Variants in ATP2B2 observed in about 807,000 individuals in gnomAD.
ATP2B2 encodes the protein ATPase plasma membrane Ca2+ transporting 2, also known as plasma membrane calcium-transporting ATPase 2.
Under a neutral mutation model 120.0 loss-of-function variants are expected in ATP2B2, and 15 were observed. The observed-to-expected ratio is 0.12, with a 90% CI of 0.08 to 0.19. ATP2B2 has a LOEUF of 0.19. Among genes scored for constraint, ATP2B2 ranks in the 10% least tolerant of loss-of-function variants. The probability of loss-of-function intolerance (pLI) is 1.00; values close to 1 mark genes in which losing one functional copy is unlikely to be tolerated. For synonymous variants in ATP2B2, 694 were observed against 700.3 expected, an observed-to-expected ratio of 0.99 and a Z score of 0.14; for missense variants, 1,045 against 1,719.8, an observed-to-expected ratio of 0.61 and a Z score of 6.94.
intron 2 of ATP2B2, among the ~76,000 whole-genome samples, chr3:10,419,408 C>T (rs887306628): frequency 3.3e-5 from 5 of 152,292 alleles, no homozygotes; most frequent in African/African-American, 1.2e-4. Flanking sequence ...ATGCAGCTGT[C>T]ACTACCACCA....
chr3:10,527,617 T>C (rs1223050093), intron 3 of ATP2B2, among the ~76,000 whole-genome samples: 1 of 152,190 alleles, frequency 6.6e-6, no homozygotes, highest in Admixed American at 6.5e-5. Flanking sequence ...CCTCTCCTTA[T>C]ACTCTTTCCA....
At chr3:10,362,628 G>A (rs2060934748) in intron 12 of ATP2B2, among the ~76,000 whole-genome samples, 1 of 152,146 alleles carries the variant, frequency 6.6e-6, no homozygotes, top group Non-Finnish European at 1.5e-5. Context: ...ATGGTACGGG[G>A]GCCGTGGATA....
At chr3:10,613,962 C>T (rs1433344199) in intron 2 of ATP2B2, among the ~76,000 whole-genome samples, 1 of 152,078 alleles carries the variant, frequency 6.6e-6, no homozygotes, top group East Asian at 1.9e-4. Context: ...CTGCCTCAGG[C>T]TTTTGCTTGT....
intron 1 of ATP2B2, among the ~76,000 whole-genome samples, chr3:10,487,700 A>G (rs2065746475): frequency 6.6e-6 from 1 of 152,212 alleles, no homozygotes; most frequent in Non-Finnish European, 1.5e-5. Context: ...AGACAGCGGG[A>G]AAGGAAACAG....
At position 10,414,089 on chromosome 3, in the gene ATP2B2, C is replaced by T. The variant is rs138921426; in HGVS notation, c.200-3274G>A. 3.0e-3 allele frequency among the ~76,000 whole-genome samples: 458 copies of T among 152,224 alleles called. 3 individuals carry two copies. The highest frequency in any genetic ancestry group is 0.01 in the African/African-American group (433 of 41,544). On this transcript the variant is annotated intron_variant, in intron 2 of 22. Coordinates refer to ENST00000360273, the MANE Select transcript of ATP2B2 (RefSeq NM_001001331.4). ...GGTCTGCAGGCCCTGAAATGGTTTT[C>T]CTGGGGTCTGTTTTCACATTTTGGA...
At chr3:10,531,103 T>C (rs115603106) in intron 3 of ATP2B2, among the ~76,000 whole-genome samples, 1,551 of 152,294 alleles carry the variant, frequency 0.01, 16 homozygotes, top group Non-Finnish European at 0.016. Context: ...GGTTGGAACA[T>C]CTTGGCAGTT....
chr3:10,334,250 C>A (rs1353007564), intron 22 of ATP2B2, among the ~76,000 whole-genome samples: 1 of 152,202 alleles, frequency 6.6e-6, no homozygotes, highest in Non-Finnish European at 1.5e-5. Context: ...AAGAACTGGG[C>A]CTTCACCCAG....
At chr3:10,516,043 G>A (rs1033174369) in intron 3 of ATP2B2, among the ~76,000 whole-genome samples, 1 of 152,178 alleles carries the variant, frequency 6.6e-6, no homozygotes, top group African/African-American at 2.4e-5. Flanking sequence ...CTGCCAAGGT[G>A]GGAGCATTGA....
intron 3 of ATP2B2, among the ~76,000 whole-genome samples, chr3:10,518,984 T>C (rs2066929643): frequency 1.3e-5 from 2 of 152,240 alleles, no homozygotes; most frequent in South Asian, 4.1e-4. Context: ...GAGTAATAAC[T>C]AATGTTCATG....
chr3:10,503,286 A>T (rs932023110), intron 1 of ATP2B2, among the ~76,000 whole-genome samples: 2 of 152,172 alleles, frequency 1.3e-5, no homozygotes, highest in Non-Finnish European at 2.9e-5. Flanking sequence ...GATGCCAGGG[A>T]GAGGGCTGGT....
At chr3:10,692,323 C>T (rs1442703672) in intron 1 of ATP2B2, among the ~76,000 whole-genome samples, 3 of 152,196 alleles carry the variant, frequency 2.0e-5, no homozygotes, top group Admixed American at 6.5e-5. Context: ...TCCCCCCAAC[C>T]GTCATTCATT....
At chr3:10,364,782 A>G (rs2060995523) in intron 12 of ATP2B2, among the ~76,000 whole-genome samples, 1 of 152,230 alleles carries the variant, frequency 6.6e-6, no homozygotes, top group Non-Finnish European at 1.5e-5. Flanking sequence ...AGCATGGTAA[A>G]CGGCAGTAAC....
intron 12 of ATP2B2, among the ~76,000 whole-genome samples, chr3:10,370,093 A>G (rs2061180871): frequency 1.3e-5 from 2 of 152,210 alleles, no homozygotes; most frequent in African/African-American, 4.8e-5. Flanking sequence ...ATGCCACCTG[A>G]AAAGACTCAA....
chr3:10,375,275 T>A lies in ATP2B2; in HGVS notation c.1416+155A>T, dbSNP rs529676825. On this transcript the variant is annotated intron_variant, in intron 11 of 22. Transcript: ENST00000360273. The surrounding 1 kb of genome is among the most constrained non-coding windows in gnomAD (Gnocchi z 4.2). ...CCTGGACTCTATGAAAGCGTCAGAG[T>A]TTTGGGGTCCTGCATACATTCTTCT... is the stretch of plus-strand genomic sequence containing the variant. 2.0e-5 allele frequency among the ~76,000 whole-genome samples: 3 copies of A among 151,058 alleles called. No homozygotes were observed. The South Asian group carries it at 6.3e-4, about 32-fold the overall frequency.
chr3:10,449,693 T>A lies in ATP2B2; in HGVS notation c.-150A>T. On this transcript the variant is annotated 5_prime_UTR_variant, in exon 2 of 23. Coordinates refer to ENST00000360273, the MANE Select transcript of ATP2B2 (RefSeq NM_001001331.4). ...GACTCCGGGTCCCGGGGGGTGGGGG[T>A]GGCCGAGGCGGGCTGGTGACAGTGG... is the stretch of plus-strand genomic sequence containing the variant. 1.1e-6 allele frequency: 1 copy of A among 901,166 alleles called. No homozygotes were observed. The highest frequency in any genetic ancestry group is 1.8e-6 in the Non-Finnish European group (1 of 563,994). The allele number at this position is 901,166 out of a possible 1,614,324, so 55.8% of individuals were successfully genotyped here.
chr3:10,575,316 T>C (rs1466109597), intron 2 of ATP2B2, among the ~76,000 whole-genome samples: 1 of 152,172 alleles, frequency 6.6e-6, no homozygotes, highest in Non-Finnish European at 1.5e-5. Flanking sequence ...CAGAGGGTTA[T>C]TATGCCCCAT....
intron 1 of ATP2B2, among the ~76,000 whole-genome samples, chr3:10,478,331 TC>T (rs1383648153): frequency 2.0e-5 from 3 of 152,268 alleles, no homozygotes; most frequent in Non-Finnish European, 1.5e-5. Context: ...GTCTTTGTAC[TC>T]TGTTGATAGT....
In ATP2B2 at chr3:10,327,074, A is replaced by G; in HGVS notation, c.*1740T>C. The G allele has an allele frequency of 2.6e-6, 1 of 388,020 alleles. No homozygotes were observed. The highest frequency in any genetic ancestry group is 4.5e-6 in the Non-Finnish European group (1 of 219,884). The allele number at this position is 388,020 out of a possible 1,614,324, so 24.0% of individuals were successfully genotyped here. On this transcript the variant is annotated 3_prime_UTR_variant, in exon 23 of 23. Transcript: ENST00000360273. ...TACAAGTTTATGGAAAAAAGATCATATGCTGAAAAGTCTCAAAGCAAACTT... is the reference window on the plus strand; with the variant it reads ...TACAAGTTTATGGAAAAAAGATCATGTGCTGAAAAGTCTCAAAGCAAACTT...
intron 2 of ATP2B2, among the ~76,000 whole-genome samples, chr3:10,559,323 C>T (rs1033350774): frequency 6.6e-6 from 1 of 152,080 alleles, no homozygotes; most frequent in African/African-American, 2.4e-5. Flanking sequence ...CTTTATAGCA[C>T]TATCGGGTGA....
Sources: allele counts gnomAD v4.1 joint callset (sites outside exome capture counted in the v4.1 genomes callset), GRCh38; gene constraint gnomAD v4.1.1; non-coding constraint Gnocchi (gnomAD v3.1); transcripts MANE v1.5; gene names NCBI Gene and HGNC (gene_info 2026-07-23, HGNC 2026-07-21).